ABCC9: variants seen among roughly 807,000 people sequenced by gnomAD.
ABCC9 encodes the protein ATP binding cassette subfamily C member 9, also known as ATP-binding cassette sub-family C member 9.
In ABCC9, 95 loss-of-function variants were observed where a neutral mutation model predicts 188.3. That is an observed-to-expected ratio of 0.50 (90% CI 0.43 to 0.60). The LOEUF (loss-of-function observed/expected upper bound fraction) is 0.60, where lower values mean the gene tolerates loss of function less well. ABCC9 is among the 20% of genes least tolerant of loss of function. ABCC9 has a pLI of 0.00. For synonymous variants in ABCC9, 659 were observed against 652.7 expected (o/e 1.01, Z -0.15); for missense variants, 1,102 against 1,876.3 (o/e 0.59, Z 7.62).
intron 16 of ABCC9, among the ~76,000 whole-genome samples, chr12:21,878,545 T>A (rs1250597658): frequency 6.6e-6 from 1 of 152,088 alleles, no homozygotes; most frequent in East Asian, 1.9e-4. Context: ...CCCTTGGAAG[T>A]TTAAATCCTA....
At chr12:21,881,828 C>G (rs1296048451) in intron 16 of ABCC9, among the ~76,000 whole-genome samples, 1 of 152,028 alleles carries the variant, frequency 6.6e-6, no homozygotes, top group Non-Finnish European at 1.5e-5. Context: ...ATCCTTTTAA[C>G]CCCAAAACAA....
At chr12:21,914,462 A>G (rs1371406093) in intron 7 of ABCC9, among the ~76,000 whole-genome samples, 1 of 152,196 alleles carries the variant, frequency 6.6e-6, no homozygotes, top group African/African-American at 2.4e-5. Flanking sequence ...GAAGAGGAAG[A>G]CAATGCCCTT....
Position 21,897,715 on chromosome 12 carries a change from G to A in ABCC9, c.1619-2400C>T, listed in dbSNP as rs548231311. ...TGTACTGAACAAAATAATAAAACTT[G>A]AAGTGGTCAAACTGGAATTTTGCTC... On this transcript the variant is annotated intron_variant, in intron 12 of 39. Transcript: ENST00000261200. 2.7e-3 allele frequency among the ~76,000 whole-genome samples: 415 copies of A among 152,282 alleles called. 1 individual carries two copies. The highest frequency in any genetic ancestry group is 0.014 in the Middle Eastern group (4 of 294).
At chr12:21,835,016 T>C (rs1293254286) in intron 30 of ABCC9, among the ~76,000 whole-genome samples, 1 of 152,068 alleles carries the variant, frequency 6.6e-6, no homozygotes, top group Non-Finnish European at 1.5e-5. Context: ...GGCTGGCCTA[T>C]GTTGGGGTTG....
At chr12:21,820,524 T>TTATATATAGGCTCTCATCTA (rs1487409243) in intron 31 of ABCC9, among the ~76,000 whole-genome samples, 1 of 152,024 alleles carries the variant, frequency 6.6e-6, no homozygotes, top group African/African-American at 2.4e-5. Context: ...ATATAAAACC[T>TTATATATAGGCTCTCATCTA]TATATATAGG....
chr12:21,844,611 T>G, intron 27 of ABCC9, 59 bp from the exon 28 acceptor site: 2 of 1,565,426 alleles, frequency 1.3e-6, no homozygotes, highest in African/African-American at 1.4e-5. Flanking sequence ...ACCTGGGCAT[T>G]GCTAATGGGC....
chr12:21,807,034 C>G (rs112272984), intron 38 of ABCC9, among the ~76,000 whole-genome samples: 2 of 152,188 alleles, frequency 1.3e-5, no homozygotes, highest in South Asian at 4.1e-4. Flanking sequence ...ACTTTTCTGG[C>G]GTAGTACTTG....
At chr12:21,914,381 A>T (rs1948447889) in intron 7 of ABCC9, among the ~76,000 whole-genome samples, 1 of 152,194 alleles carries the variant, frequency 6.6e-6, no homozygotes, top group African/African-American at 2.4e-5. Context: ...TAAATTTTTT[A>T]AAACAATAAT....
intron 4 of ABCC9, among the ~76,000 whole-genome samples, chr12:21,932,189 T>C (rs935882835): frequency 2.0e-4 from 31 of 151,914 alleles, no homozygotes; most frequent in African/African-American, 6.5e-4. Flanking sequence ...GAGAAAAATA[T>C]TTTCACCAGA....
chr12:21,809,646 TAGAAC>T (rs1386733032), intron 37 of ABCC9, among the ~76,000 whole-genome samples: 1 of 152,160 alleles, frequency 6.6e-6, no homozygotes, highest in East Asian at 1.9e-4. Flanking sequence ...AGTAGTCACA[TAGAAC>T]AGAATTTGTT....
Position 21,805,227 on chromosome 12 carries a change from A to G in ABCC9, c.4512+771T>C, listed in dbSNP as rs1486807971. ...AAGAGGCCATTCTTGTGGGCGAGCA[A>G]ATTTGGGACAGTATCACACTCCACT... On this transcript the variant is annotated intron_variant, in intron 39 of 39. Transcript: ENST00000261200. The G allele has an allele frequency of 1.2e-6, 2 of 1,614,020 alleles. No individual in the cohort carries two copies. Among genetic ancestry groups the G allele is most frequent in the Admixed American group, 3.3e-5 (2 of 60,002 alleles).
chr12:21,858,375 A>C (rs918687668), intron 22 of ABCC9, among the ~76,000 whole-genome samples: 1 of 151,882 alleles, frequency 6.6e-6, no homozygotes, highest in Non-Finnish European at 1.5e-5. Flanking sequence ...GGAGTTCGAG[A>C]CCAGCCTGAC....
intron 24 of ABCC9, among the ~76,000 whole-genome samples, chr12:21,851,567 A>C (rs1283463973): frequency 6.6e-6 from 1 of 152,226 alleles, no homozygotes; most frequent in Non-Finnish European, 1.5e-5. Context: ...AAAAAAGTAC[A>C]AATGTAAAAT....
intron 33 of ABCC9, among the ~76,000 whole-genome samples, chr12:21,816,255 G>T (rs1479888155): frequency 6.6e-6 from 1 of 151,816 alleles, no homozygotes; most frequent in African/African-American, 2.4e-5. Context: ...TGTTCAGTCA[G>T]TTGGTCATTA....
chr12:21,905,231 T>G (rs967588350), intron 12 of ABCC9, among the ~76,000 whole-genome samples: 4 of 151,798 alleles, frequency 2.6e-5, no homozygotes, highest in African/African-American at 9.7e-5. Flanking sequence ...TGAAAACACT[T>G]GGACCCCTCA....
intron 17 of ABCC9, 119 bp downstream of exon 17, chr12:21,875,535 G>A: frequency 5.3e-6 from 4 of 749,076 alleles, no homozygotes; most frequent in Non-Finnish European, 6.7e-6. Context: ...AGTGCAAATA[G>A]GTAATCATAA....
chr12:21,845,678 G>A lies in ABCC9; in HGVS notation c.3021C>T (p.Val1007=), dbSNP rs1436332304. ...MIFSKLLKHS[V]IVAIDYWLAT... ...CCAGCCAATAGTCTATAGCTACAAT[G>A]ACCGAATGCTTCAAAAGCTTAGAGA... The change falls in exon 26 of 40, where the codon GTC becomes GTT. Residue 1007 remains valine (V), a synonymous_variant. Coordinates refer to ENST00000261200, the MANE Select transcript of ABCC9 (RefSeq NM_020297.4). 2 of 1,613,690 alleles carry A rather than the reference G, an allele frequency of 1.2e-6. No individual in the cohort carries two copies. Among genetic ancestry groups the A allele is most frequent in the East Asian group, 2.2e-5 (1 of 44,876 alleles).
intron 12 of ABCC9, among the ~76,000 whole-genome samples, chr12:21,904,628 A>G (rs1242161468): frequency 6.6e-6 from 1 of 152,240 alleles, no homozygotes; most frequent in Non-Finnish European, 1.5e-5. Flanking sequence ...GGGTCTGAAC[A>G]GACACTTCTC....
At chr12:21,884,878 G>A (rs575414274) in intron 15 of ABCC9, among the ~76,000 whole-genome samples, 133 of 152,240 alleles carry the variant, frequency 8.7e-4, no homozygotes, top group Non-Finnish European at 1.2e-3. Flanking sequence ...TGCATGAGAG[G>A]TTGTAGAAAG....
Sources: gnomAD v4.1 joint callset for allele counts (sites outside exome capture counted in the v4.1 genomes callset) on GRCh38, gnomAD v4.1.1 for gene constraint, MANE v1.5 for transcripts, NCBI Gene and HGNC (gene_info 2026-07-23, HGNC 2026-07-21) for gene names.